The following VPS13D variants were observed in gnomAD, a reference collection of about 807,000 sequenced individuals.
The protein encoded by VPS13D is vacuolar protein sorting 13 homolog D.
VPS13D carries 187 observed loss-of-function variants against 461.9 expected under a neutral mutation model. The ratio of observed to expected loss-of-function variants is 0.40; its 90% confidence interval spans 0.36 to 0.46. The LOEUF is 0.46. Among genes scored for constraint, VPS13D ranks in the 20% least tolerant of loss-of-function variants. VPS13D has a pLI of 0.60. For synonymous variants in VPS13D, 1,951 were observed against 1,986.3 expected (o/e 0.98, Z 0.47); for missense variants, 4,711 against 5,364.9 (o/e 0.88, Z 3.81).
In VPS13D at chr1:12,323,790, A is replaced by G. The variant is rs1425823452; in HGVS notation, c.7990+10A>G. Reference sequence around the variant, plus strand: ...CTTTTGGCGTGTCAAGGTAATTTGAACAGGGTTCTGTTACCCGTTGTTTAT... The same window carrying G: ...CTTTTGGCGTGTCAAGGTAATTTGAGCAGGGTTCTGTTACCCGTTGTTTAT... On this transcript the variant is annotated intron_variant, in intron 35 of 69. Transcript: ENST00000620676. The G allele has an allele frequency of 1.9e-6, 3 of 1,613,580 alleles. No homozygotes were observed. Among genetic ancestry groups the G allele is most frequent in the Non-Finnish European group, 2.5e-6 (3 of 1,179,686 alleles).
chr1:12,357,962 C>G (rs1643901016), intron 49 of VPS13D, among the ~76,000 whole-genome samples: 1 of 151,350 alleles, frequency 6.6e-6, no homozygotes, highest in Non-Finnish European at 1.5e-5. Flanking sequence ...CTAGACTGTA[C>G]CATTGCACTC....
At chr1:12,237,011 T>C (rs1640169293) in intron 2 of VPS13D, among the ~76,000 whole-genome samples, 1 of 152,084 alleles carries the variant, frequency 6.6e-6, no homozygotes, top group Non-Finnish European at 1.5e-5. Context: ...TGATCATCAG[T>C]GTATGATTGG....
At chr1:12,295,366 T>C (rs1260052959) in intron 24 of VPS13D, among the ~76,000 whole-genome samples, 1 of 152,294 alleles carries the variant, frequency 6.6e-6, no homozygotes, top group South Asian at 2.1e-4. Context: ...TTTGGTACAG[T>C]AGCAAAGTGA....
chr1:12,349,922 C>T (rs1442740998), intron 46 of VPS13D, among the ~76,000 whole-genome samples: 1 of 152,142 alleles, frequency 6.6e-6, no homozygotes, highest in Non-Finnish European at 1.5e-5. Context: ...CAAATTTAGA[C>T]TTTCAACTTA....
intron 7 of VPS13D, among the ~76,000 whole-genome samples, chr1:12,254,343 G>A (rs1440573063): frequency 6.6e-6 from 1 of 151,186 alleles, no homozygotes; most frequent in Non-Finnish European, 1.5e-5. Context: ...ACCCGGCCTA[G>A]GCATCCAGAT....
intron 21 of VPS13D, 51 bp from the exon 22 acceptor site, chr1:12,288,168 AAGAT>A (rs1642025867): frequency 6.8e-7 from 1 of 1,478,770 alleles, no homozygotes; most frequent in Non-Finnish European, 9.4e-7. Flanking sequence ...GTTTTCCTGA[AAGAT>A]ACCTTTTCTC....
In VPS13D at chr1:12,475,664, C is replaced by T. The variant is rs369193997; in HGVS notation, c.12662+15268C>T. On this transcript the variant is annotated intron_variant, in intron 67 of 69. Coordinates refer to ENST00000620676, the MANE Select transcript of VPS13D (RefSeq NM_015378.4). Reference sequence around the variant, plus strand: ...GAGTCTGTAGCCAATTTGGCCTTGTCACCACTTCAGCCCTCCCTCTGATTT... The same window carrying T: ...GAGTCTGTAGCCAATTTGGCCTTGTTACCACTTCAGCCCTCCCTCTGATTT... Among the ~76,000 whole-genome samples, 39 of 152,334 alleles carry T rather than the reference C, an allele frequency of 2.6e-4. 3 individuals carry two copies. Among genetic ancestry groups the T allele is most frequent in the Admixed American group, 2.0e-3 (31 of 15,306 alleles).
intron 41 of VPS13D, among the ~76,000 whole-genome samples, chr1:12,342,388 C>T (rs1569954976): frequency 6.6e-6 from 1 of 152,222 alleles, no homozygotes; most frequent in South Asian, 2.1e-4. Flanking sequence ...CAGGCGAGAA[C>T]CTTTTCTAAC....
chr1:12,282,362 A>G (rs903605029), intron 20 of VPS13D, among the ~76,000 whole-genome samples: 11 of 152,202 alleles, frequency 7.2e-5, no homozygotes, highest in Non-Finnish European at 1.5e-4. Context: ...TTGTTTCTCA[A>G]TCCTGTGGTG....
At chr1:12,489,166 C>T (rs1570272114) in intron 67 of VPS13D, among the ~76,000 whole-genome samples, 1 of 152,288 alleles carries the variant, frequency 6.6e-6, no homozygotes, top group East Asian at 1.9e-4. Context: ...GCCCCTGAGG[C>T]AGTTGACTAA....
At chr1:12,496,400 TG>T (rs1173454863) in intron 67 of VPS13D, among the ~76,000 whole-genome samples, 1 of 152,226 alleles carries the variant, frequency 6.6e-6, no homozygotes, top group Non-Finnish European at 1.5e-5. Context: ...GACAATTTTC[TG>T]GGGTTGTTTC....
intron 14 of VPS13D, 24 bp downstream of exon 14, chr1:12,267,035 A>C: frequency 6.5e-7 from 1 of 1,540,512 alleles, no homozygotes; most frequent in Non-Finnish European, 8.7e-7. Flanking sequence ...TTGGATAGTT[A>C]ATGTATCTAA....
At chr1:12,237,845 T>C (rs1640207371) in intron 2 of VPS13D, among the ~76,000 whole-genome samples, 1 of 151,560 alleles carries the variant, frequency 6.6e-6, no homozygotes, top group Admixed American at 6.6e-5. Context: ...AAAAAGTTCA[T>C]TGTTCAGTCA....
rs75046677 is a variant in VPS13D, at chr1:12,234,560, A to T, written c.97+197A>T. On this transcript the variant is annotated intron_variant, in intron 2 of 69. Transcript: ENST00000620676. ...GCTATATTGTTGTAGATTTTAAGGA[A>T]CTATTAAATATTAAAAAACAAAAAC... Among the ~76,000 whole-genome samples the T allele has an allele frequency of 2.3e-3, 354 of 152,352 alleles. 10 individuals are homozygous for T. The East Asian group carries it at 0.043, about 19-fold the overall frequency.
At chr1:12,400,423 C>A in intron 61 of VPS13D, 93 bp downstream of exon 61, 1 of 1,480,930 alleles carries the variant, frequency 6.8e-7, no homozygotes. Flanking sequence ...GTGCCGGGTG[C>A]TGATGGGAAT....
At chr1:12,470,437 A>G (rs1645547912) in intron 67 of VPS13D, among the ~76,000 whole-genome samples, 2 of 152,238 alleles carry the variant, frequency 1.3e-5, no homozygotes, top group Admixed American at 1.3e-4. Context: ...TTTAGTGAGA[A>G]GATGCAAACC....
chr1:12,304,443 C>T lies in VPS13D; in HGVS notation c.6217-63C>T, dbSNP rs1281675882. Reference sequence around the variant, plus strand: ...ACTTTGGAGATATTAAAGATAGAGTCCCACCACCAGTGCTGCCCCCTTCCC... The same window carrying T: ...ACTTTGGAGATATTAAAGATAGAGTTCCACCACCAGTGCTGCCCCCTTCCC... On this transcript the variant is annotated intron_variant, in intron 25 of 69. Coordinates refer to ENST00000620676, the MANE Select transcript of VPS13D (RefSeq NM_015378.4). 4.2e-6 allele frequency: 6 copies of T among 1,445,490 alleles called. No individual in the cohort carries two copies. In the African/African-American group the frequency reaches 8.5e-5, roughly 20 times the overall value. 89.5% of individuals were successfully genotyped at this position (1,445,490 alleles called of 1,614,324 possible).
chr1:12,336,131 G>A, intron 39 of VPS13D: 1 of 252,298 alleles, frequency 4.0e-6, no homozygotes, highest in Non-Finnish European at 7.7e-6. Flanking sequence ...GATCAGCTGT[G>A]GTTTGTGTTT....
rs780101315 is a variant in VPS13D at position 12,282,836 on chromosome 1, C to T, written c.4734C>T (p.Leu1578=). The T allele has an allele frequency of 6.2e-7, 1 of 1,614,062 alleles. No homozygotes were observed. The highest frequency in any genetic ancestry group is 8.5e-7 in the Non-Finnish European group (1 of 1,180,038). Residue 1578 remains leucine (L), a synonymous_variant, in exon 21 of 70, where the codon CTC becomes CTT. Transcript: ENST00000620676. ...SPCPDSPLPP[L]STCGESSVER... ...GCCCTGATTCTCCTCTGCCTCCCCT[C>T]AGTACCTGTGGAGAATCTTCTGTTG...
Sources: gnomAD v4.1 joint callset for allele counts (sites outside exome capture counted in the v4.1 genomes callset) on GRCh38, gnomAD v4.1.1 for gene constraint, MANE v1.5 for transcripts, NCBI Gene and HGNC (gene_info 2026-07-23, HGNC 2026-07-21) for gene names.